Variants in EDRF1 observed in about 807,000 individuals in gnomAD.
EDRF1 encodes erythroid differentiation-related factor 1.
A neutral mutation model predicts 148.7 loss-of-function variants in EDRF1; 69 were observed. The observed-to-expected ratio is 0.46, with a 90% CI of 0.38 to 0.57. EDRF1 has a LOEUF of 0.57. EDRF1 is among the 20% of genes least tolerant of loss of function. The pLI is 0.00. For synonymous variants in EDRF1, 515 were observed against 532.8 expected (o/e 0.97, Z 0.46); for missense variants, 1,118 against 1,478.7 (o/e 0.76, Z 4.00).
At chr10:125,747,511 A>G (rs1179151932) in intron 19 of EDRF1, 25 bp from the exon 20 acceptor site, 2 of 1,613,788 alleles carry the variant, frequency 1.2e-6, no homozygotes, top group African/African-American at 1.3e-5. Flanking sequence ...TGAGTCAGAA[A>G]TGTACACTGT....
At chr10:125,735,960 A>G in intron 13 of EDRF1, 56 bp downstream of exon 13, 1 of 1,475,582 alleles carries the variant, frequency 6.8e-7, no homozygotes, top group Non-Finnish European at 9.4e-7. Context: ...TTGTTAATCG[A>G]ATATAGTTAG....
chr10:125,758,668 C>A (rs568934377), intron 24 of EDRF1, among the ~76,000 whole-genome samples: 1 of 152,276 alleles, frequency 6.6e-6, no homozygotes, highest in East Asian at 1.9e-4. Flanking sequence ...GTCTTCTCTA[C>A]CTTCAGCTCT....
chr10:125,733,065 C>A (rs564816875), intron 9 of EDRF1, among the ~76,000 whole-genome samples: 10 of 152,148 alleles, frequency 6.6e-5, no homozygotes, highest in Non-Finnish European at 4.4e-5. Context: ...CATTTACCAT[C>A]TTCCCAGTTG....
rs553135769 is a variant in EDRF1, at chr10:125,719,779, C to G, written c.-29C>G. ...TGCTGCTGCTGCTCCTCCGCTCCCC[C>G]GTCGTATCGCCTGCCCTGGATCGAA... On this transcript the variant is annotated 5_prime_UTR_variant, in exon 1 of 25. Transcript: ENST00000356792. The G allele has an allele frequency of 2.5e-5, 40 of 1,584,430 alleles. No homozygotes were observed. The African/African-American group carries it at 4.0e-4, about 16-fold the overall frequency.
At chr10:125,740,092 C>G (rs533334046) in intron 15 of EDRF1, among the ~76,000 whole-genome samples, 3 of 152,092 alleles carry the variant, frequency 2.0e-5, no homozygotes, top group African/African-American at 7.2e-5. Context: ...TGGGGAGAAG[C>G]CGTTTTCATG....
intron 19 of EDRF1, chr10:125,747,240 C>A (rs1236561751): frequency 2.7e-4 from 75 of 276,260 alleles, no homozygotes; most frequent in East Asian, 8.8e-4. Flanking sequence ...AAAAAAAAAA[C>A]AAAGGAAACA....
At position 125,735,883 on chromosome 10, in the gene EDRF1, C is replaced by T. The variant is rs755367257; in HGVS notation, c.1737C>T (p.Tyr579=). The change falls in exon 13 of 25, where the codon TAC becomes TAT. Residue 579 remains tyrosine (Y), a synonymous_variant. Transcript: ENST00000356792. The part of the protein sequence containing the change: ...SVGELSVPEK[Y]KSIHQIRPSC... ...GAGAACTATCAGTACCAGAAAAATA[C>T]AAATCTATTCATCAAATCAGAGTAA... 3 of 1,608,914 alleles carry T rather than the reference C, an allele frequency of 1.9e-6. No individual in the cohort carries two copies. The highest frequency in any genetic ancestry group is 1.7e-5 in the Admixed American group (1 of 59,774).
At chr10:125,749,918 A>G (rs1251758176) in intron 22 of EDRF1, 2 of 345,524 alleles carry the variant, frequency 5.8e-6, no homozygotes, top group East Asian at 1.5e-4. Flanking sequence ...AGGCAGGCAG[A>G]TCACCTGAGG....
intron 11 of EDRF1, 127 bp downstream of exon 11, chr10:125,733,870 C>G: frequency 1.1e-6 from 1 of 945,132 alleles, no homozygotes. Context: ...GAAAAATACA[C>G]GTACACATTG....
At chr10:125,723,263 AC>A in intron 3 of EDRF1, 129 bp downstream of exon 3, 1 of 839,336 alleles carries the variant, frequency 1.2e-6, no homozygotes, top group African/African-American at 1.7e-5. Context: ...GATAAAACTT[AC>A]CTGATTATTG....
Position 125,763,236 on chromosome 10 carries a change from G to T in EDRF1, c.3546-65G>T. On this transcript the variant is annotated intron_variant, in intron 24 of 24. Coordinates refer to ENST00000356792, the MANE Select transcript of EDRF1 (RefSeq NM_001202438.2). This position sits in a 1 kb window ranked among gnomAD's most constrained non-coding sequence, Gnocchi z 4.3. ...TGGGCTGTCACTGTCCGGTTTTCTGGACCTCTGAATTGTCGGTAGGCATTG... is the reference window on the plus strand; with the variant it reads ...TGGGCTGTCACTGTCCGGTTTTCTGTACCTCTGAATTGTCGGTAGGCATTG... 2 of 1,509,162 alleles carry T rather than the reference G, an allele frequency of 1.3e-6. No individual in the cohort carries two copies. Among genetic ancestry groups the T allele is most frequent in the Non-Finnish European group, 9.1e-7 (1 of 1,096,156 alleles). 93.5% of individuals were successfully genotyped at this position (1,509,162 alleles called of 1,614,324 possible).
At chr10:125,723,180 A>G (rs372101903) in intron 3 of EDRF1, 46 bp downstream of exon 3, 6 of 1,524,336 alleles carry the variant, frequency 3.9e-6, no homozygotes, top group Admixed American at 1.7e-5. Flanking sequence ...GTGTTTTGTG[A>G]TAGGTGTTTT....
chr10:125,757,146 T>C, intron 24 of EDRF1: 1 of 342,394 alleles, frequency 2.9e-6, no homozygotes, highest in Non-Finnish European at 5.6e-6. Flanking sequence ...AGTCTTACAA[T>C]TGGTGTCTCT....
rs535003930 is a variant in EDRF1, at chr10:125,719,752, G to A, written c.-56G>A. 4 of 1,455,276 alleles carry A rather than the reference G, an allele frequency of 2.7e-6. No individual in the cohort carries two copies. The highest frequency in any genetic ancestry group is 1.2e-5 in the South Asian group (1 of 81,584). The allele number at this position is 1,455,276 out of a possible 1,614,324, so 90.1% of individuals were successfully genotyped here. On this transcript the variant is annotated 5_prime_UTR_variant, in exon 1 of 25. Coordinates refer to ENST00000356792, the MANE Select transcript of EDRF1 (RefSeq NM_001202438.2). ...GGCGCTTACCCTGCTTTGGGCCTGCGTTGCTGCTGCTGCTCCTCCGCTCCC... is the reference window on the plus strand; with the variant it reads ...GGCGCTTACCCTGCTTTGGGCCTGCATTGCTGCTGCTGCTCCTCCGCTCCC...
chr10:125,746,963 T>C (rs749118066), intron 19 of EDRF1: 6 of 154,350 alleles, frequency 3.9e-5, no homozygotes, highest in Non-Finnish European at 7.2e-5. Context: ...AGAATGTTGG[T>C]GGCATAAATT....
At chr10:125,747,268 A>G in intron 19 of EDRF1, 1 of 463,428 alleles carries the variant, frequency 2.2e-6, no homozygotes, top group Non-Finnish European at 3.9e-6. Flanking sequence ...CATCATGCTC[A>G]GCCTGAGTCA....
intron 6 of EDRF1, among the ~76,000 whole-genome samples, chr10:125,728,136 A>T (rs1848345330): frequency 6.7e-6 from 1 of 149,236 alleles, no homozygotes; most frequent in Admixed American, 6.7e-5. Flanking sequence ...CAGGAGGCGG[A>T]GGTTGCAGTG....
chr10:125,757,931 C>G (rs760035165), intron 24 of EDRF1, among the ~76,000 whole-genome samples: 1 of 152,200 alleles, frequency 6.6e-6, no homozygotes, highest in African/African-American at 2.4e-5. Context: ...TTTCTTTCTT[C>G]TGTTCCATTC....
chr10:125,738,115 C>A, intron 14 of EDRF1, 126 bp downstream of exon 14: 1 of 1,342,354 alleles, frequency 7.4e-7, no homozygotes, highest in Admixed American at 1.8e-5. Flanking sequence ...TTTCCTTAAG[C>A]ATAAAGTGAA....
Sources: gnomAD v4.1 joint callset for allele counts (sites outside exome capture counted in the v4.1 genomes callset) on GRCh38, gnomAD v4.1.1 for gene constraint, Gnocchi (gnomAD v3.1) non-coding constraint, MANE v1.5 for transcripts, NCBI Gene and HGNC (gene_info 2026-07-23, HGNC 2026-07-21) for gene names.